RLN2: variants seen among roughly 807,000 people sequenced by gnomAD.
RLN2 encodes the protein relaxin 2.
Under a neutral mutation model 7.3 loss-of-function variants are expected in RLN2, and 10 were observed. The observed-to-expected ratio is 1.36, with a 90% CI of 0.84 to 2.31. The LOEUF (loss-of-function observed/expected upper bound fraction) is 2.31. Ranked by LOEUF, RLN2 falls within the 30% of genes most tolerant of loss-of-function variation. The probability of loss-of-function intolerance (pLI) is 0.00; values close to 1 mark genes in which losing one functional copy is unlikely to be tolerated. For missense variants in RLN2, 298 were observed against 217.6 expected (o/e 1.37, Z -2.32); for synonymous variants, 103 against 82.3 (o/e 1.25, Z -1.36).
chr9:5,318,967 A>C, the RLN2 span, among the ~76,000 whole-genome samples: 33 of 152,130 alleles, frequency 2.2e-4, no homozygotes, highest in African/African-American at 7.0e-4. Flanking sequence ...GAACACTGAA[A>C]ACTATACCCA....
At chr9:5,334,721 G>GA in the RLN2 span, among the ~76,000 whole-genome samples, 2 of 151,712 alleles carry the variant, frequency 1.3e-5, no homozygotes, top group African/African-American at 4.8e-5. Context: ...ACTCTGCTAG[G>GA]AAAAAAAGAA....
chr9:5,325,754 T>G, the RLN2 span, among the ~76,000 whole-genome samples: 2 of 152,186 alleles, frequency 1.3e-5, no homozygotes, highest in South Asian at 4.1e-4. Context: ...CACAAGCCAA[T>G]ATCATCTTAA....
chr9:5,318,261 T>C, the RLN2 span, among the ~76,000 whole-genome samples: 11 of 152,018 alleles, frequency 7.2e-5, no homozygotes, highest in African/African-American at 2.4e-4. Flanking sequence ...GTGAGTGAAG[T>C]CAGGATAAAC....
the RLN2 span, among the ~76,000 whole-genome samples, chr9:5,327,312 C>A: frequency 6.6e-6 from 1 of 151,988 alleles, no homozygotes; most frequent in African/African-American, 2.4e-5. Flanking sequence ...AGTCTGAGAT[C>A]GACCGGCTAC....
At chr9:5,330,649 A>G in the RLN2 span, among the ~76,000 whole-genome samples, 27 of 150,096 alleles carry the variant, frequency 1.8e-4, no homozygotes, top group South Asian at 1.3e-3. Flanking sequence ...AAAAAAAAAA[A>G]AAAAAAGAAA....
At chr9:5,329,435 T>C in the RLN2 span, among the ~76,000 whole-genome samples, 1 of 147,626 alleles carries the variant, frequency 6.8e-6, no homozygotes, top group Non-Finnish European at 1.5e-5. Context: ...ATGAGCTAAA[T>C]ACCCCAACTA....
Position 5,304,396 on chromosome 9 carries a change from G to C in RLN2, c.185C>G (p.Ala62Gly). 6.2e-7 allele frequency: 1 copy of C among 1,606,448 alleles called. No homozygotes were observed. Among genetic ancestry groups the C allele is most frequent in the Non-Finnish European group, 8.5e-7 (1 of 1,177,186 alleles). The change falls in exon 1 of 2, where the codon GCT becomes GGT. Residue 62 changes from alanine (A) to glycine (G), a missense_variant. By Grantham distance (60) the Ala-to-Gly change is moderately conservative. Coordinates refer to ENST00000381627, the MANE Select transcript of RLN2 (RefSeq NM_134441.3). ...TGCCACTGGTCTAGGTGTCTGAGGA[G>C]CATCTTCCTGGCTCAGAGACCTTTT... ...WSKRSLSQED[A>G]PQTPRPVAEI...
the RLN2 span, chr9:5,311,808 T>A: frequency 8.9e-6 from 6 of 677,274 alleles, no homozygotes; most frequent in South Asian, 8.3e-5. Flanking sequence ...TGCAGAATTT[T>A]TTTTTTTAGT....
At chr9:5,310,386 C>T in the RLN2 span, among the ~76,000 whole-genome samples, 1 of 151,910 alleles carries the variant, frequency 6.6e-6, no homozygotes, top group Non-Finnish European at 1.5e-5. Context: ...TGTACCTCTC[C>T]CCTACACCCC....
At position 5,304,412 on chromosome 9, in the gene RLN2, G is replaced by A; in HGVS notation, c.169C>T (p.Leu57=). 1 of 1,610,452 alleles carries A rather than the reference G, an allele frequency of 6.2e-7. No homozygotes were observed. Among genetic ancestry groups the A allele is most frequent in the Non-Finnish European group, 8.5e-7 (1 of 1,178,860 alleles). The change falls in exon 1 of 2, where the codon CTG becomes TTG. Residue 57 remains leucine (L), a synonymous_variant. Transcript: ENST00000381627. ...CGMSTWSKRS[L]SQEDAPQTPR... ...GTCTGAGGAGCATCTTCCTGGCTCA[G>A]AGACCTTTTGCTCCAGGTGCTCATG... is the stretch of plus-strand genomic sequence containing the variant.
At chr9:5,321,309 G>A in the RLN2 span, among the ~76,000 whole-genome samples, 14 of 152,036 alleles carry the variant, frequency 9.2e-5, 1 homozygote, top group Admixed American at 7.9e-4. Flanking sequence ...AAAGAAGTGA[G>A]TGTGCTTATT....
In RLN2 at chr9:5,300,291, G is replaced by A. The variant is rs757229002; in HGVS notation, c.365C>T (p.Ser122Phe). 3.7e-6 allele frequency: 6 copies of A among 1,614,028 alleles called. No homozygotes were observed. The highest frequency in any genetic ancestry group is 5.1e-6 in the Non-Finnish European group (6 of 1,179,920). The change falls in exon 2 of 2, where the codon TCC becomes TTC. Residue 122 changes from serine to phenylalanine, a missense_variant. By Grantham distance (155) the Ser-to-Phe change is radical (BLOSUM62 -2). Transcript: ENST00000381627. ...CTTAAATTCTTCAAAGAGAAGACTG[G>A]AATCTTTTAATACAGGTACATGTTG... ...LQQHVPVLKDSSLLFEEFKKL... is the reference protein window; with the variant it reads ...LQQHVPVLKDFSLLFEEFKKL...
chr9:5,335,072 G>A, the RLN2 span: 1 of 497,024 alleles, frequency 2.0e-6, no homozygotes, highest in Non-Finnish European at 3.5e-6. Flanking sequence ...CATAGAAAGT[G>A]TCATTTACAG....
At chr9:5,315,770 A>G in the RLN2 span, among the ~76,000 whole-genome samples, 1 of 152,084 alleles carries the variant, frequency 6.6e-6, no homozygotes, top group African/African-American at 2.4e-5. Context: ...GAAAACTTGC[A>G]GGTCAGGACA....
chr9:5,309,578 T>C (rs1816310569), upstream of RLN2, among the ~76,000 whole-genome samples: 1 of 152,000 alleles, frequency 6.6e-6, no homozygotes, highest in African/African-American at 2.4e-5. Flanking sequence ...CTCTCTTTCT[T>C]TGCTTATTTT....
At chr9:5,302,904 CTTGT>C (rs764228443) in intron 1 of RLN2, among the ~76,000 whole-genome samples, 26 of 148,680 alleles carry the variant, frequency 1.7e-4, no homozygotes, top group East Asian at 1.6e-3. Context: ...TTTCCACTTA[CTTGT>C]TTAATATAAT....
the RLN2 span, among the ~76,000 whole-genome samples, chr9:5,332,601 TGAG>T: frequency 1.3e-5 from 2 of 150,072 alleles, no homozygotes. Flanking sequence ...TGGAGCAAGT[TGAG>T]GGGTCACTGA....
chr9:5,304,205 G>C, intron 1 of RLN2, 165 bp downstream of exon 1: 3 of 542,370 alleles, frequency 5.5e-6, no homozygotes, highest in Non-Finnish European at 9.4e-6. Context: ...ACCTGGCAAA[G>C]GAAAAGCCCA....
At chr9:5,330,929 C>T in the RLN2 span, among the ~76,000 whole-genome samples, 12 of 151,730 alleles carry the variant, frequency 7.9e-5, 1 homozygote, top group African/African-American at 1.2e-4. Flanking sequence ...ACCACTGATC[C>T]CACAGAAATA....
Sources: allele counts gnomAD v4.1 joint callset (sites outside exome capture counted in the v4.1 genomes callset), GRCh38; gene constraint gnomAD v4.1.1; transcripts MANE v1.5; gene names NCBI Gene and HGNC (gene_info 2026-07-23, HGNC 2026-07-21).